Variants in PDE4D observed in about 807,000 individuals in gnomAD.
PDE4D encodes the protein 3',5'-cyclic-AMP phosphodiesterase 4D.
Under a neutral mutation model 87.4 loss-of-function variants are expected in PDE4D, and 24 were observed. The ratio of observed to expected loss-of-function variants is 0.27; its 90% CI spans 0.20 to 0.39. PDE4D has a LOEUF of 0.39. Among genes scored for constraint, PDE4D ranks in the 10% least tolerant of loss-of-function variants. The probability of loss-of-function intolerance (pLI) is 1.00; values close to 1 mark genes in which losing one functional copy is unlikely to be tolerated. For synonymous variants in PDE4D, 384 were observed against 383.2 expected (o/e 1.00, Z -0.02); for missense variants, 714 against 1,041.0 (o/e 0.69, Z 4.32).
At chr5:58,991,716 G>GAAA in intron 8 of PDE4D, 116 bp downstream of exon 8, 2 of 542,488 alleles carry the variant, frequency 3.7e-6, no homozygotes, top group African/African-American at 3.8e-5. Context: ...TTCAAAAAAA[G>GAAA]AAAAAAAAAA....
At chr5:59,759,325 G>A (rs960089943) in intron 1 of PDE4D, among the ~76,000 whole-genome samples, 3 of 152,116 alleles carry the variant, frequency 2.0e-5, no homozygotes, top group Non-Finnish European at 4.4e-5. Flanking sequence ...TTTCTGCCAA[G>A]TTTGCAAGAA....
chr5:59,156,320 A>AAAAAAATATATAT (rs548335725), intron 5 of PDE4D, among the ~76,000 whole-genome samples: 21 of 81,768 alleles, frequency 2.6e-4, no homozygotes, highest in African/African-American at 1.1e-3. Flanking sequence ...AAAAAAAAAA[A>AAAAAAATATATAT]ATATATATAT....
intron 1 of PDE4D, among the ~76,000 whole-genome samples, chr5:60,250,655 C>T (rs985447591): frequency 2.0e-5 from 3 of 151,956 alleles, no homozygotes; most frequent in African/African-American, 7.2e-5. Context: ...AAAAAACCTA[C>T]TGTGCTGTCA....
At chr5:59,464,224 A>C (rs1801217325) in intron 1 of PDE4D, among the ~76,000 whole-genome samples, 1 of 152,158 alleles carries the variant, frequency 6.6e-6, no homozygotes, top group Non-Finnish European at 1.5e-5. Flanking sequence ...TGTGCTGAGG[A>C]GGATTAGTAT....
intron 1 of PDE4D, among the ~76,000 whole-genome samples, chr5:60,293,442 A>G (rs1255972251): frequency 6.6e-6 from 1 of 152,108 alleles, no homozygotes; most frequent in Non-Finnish European, 1.5e-5. Flanking sequence ...TGAACCTGAG[A>G]GGCGGAGGTT....
At chr5:59,744,267 C>T (rs1218549134) in intron 1 of PDE4D, among the ~76,000 whole-genome samples, 4 of 152,140 alleles carry the variant, frequency 2.6e-5, no homozygotes, top group African/African-American at 9.6e-5. Flanking sequence ...TTCTTTCCCA[C>T]TGTACTGTAT....
Position 59,165,924 on chromosome 5 carries a change from G to A in PDE4D, c.808+14671C>T, listed in dbSNP as rs114991816. Among the ~76,000 whole-genome samples the A allele has an allele frequency of 4.5e-3, 681 of 152,168 alleles. 10 individuals are homozygous for A. Among genetic ancestry groups the A allele is most frequent in the African/African-American group, 0.015 (637 of 41,512 alleles). On this transcript the variant is annotated intron_variant, in intron 5 of 14. Transcript: ENST00000340635. ...AAGAACAGTTGTGGGGATCTCACTC[G>A]ACTACTCCTGCCATGAGACTTTCCC...
intron 2 of PDE4D, among the ~76,000 whole-genome samples, chr5:60,007,171 G>A (rs1358509869): frequency 6.6e-6 from 1 of 151,946 alleles, no homozygotes; most frequent in Non-Finnish European, 1.5e-5. Context: ...GTTATAGTAT[G>A]ATTTTTCAAA....
At chr5:59,069,227 C>G (rs1046600543) in intron 5 of PDE4D, among the ~76,000 whole-genome samples, 6 of 152,170 alleles carry the variant, frequency 3.9e-5, no homozygotes, top group African/African-American at 1.4e-4. Context: ...ACCATGGAAA[C>G]ACAGTTTTAC....
chr5:59,304,640 T>C (rs1454608401), intron 1 of PDE4D, among the ~76,000 whole-genome samples: 2 of 152,196 alleles, frequency 1.3e-5, no homozygotes, highest in Non-Finnish European at 2.9e-5. Flanking sequence ...TTTTTCTGCA[T>C]CTATTGAGAT....
At chr5:60,277,918 C>T (rs1751538466) in intron 1 of PDE4D, among the ~76,000 whole-genome samples, 1 of 152,090 alleles carries the variant, frequency 6.6e-6, no homozygotes, top group African/African-American at 2.4e-5. Flanking sequence ...CACTTAGAAC[C>T]ACACCAGAAA....
In PDE4D at chr5:60,342,636, T is replaced by C. The variant is rs140424811; in HGVS notation, c.-90+145306A>G. On this transcript the variant is annotated intron_variant, in intron 1 of 16. Transcript: ENST00000502484. ...CAGAACCAGAGAAAACAAGACAATG[T>C]TTAACTCCTTGAGATCAATAAATGT... Among the ~76,000 whole-genome samples the C allele has an allele frequency of 6.4e-3, 975 of 152,254 alleles. 7 individuals are homozygous for C. The highest frequency in any genetic ancestry group is 0.023 in the African/African-American group (939 of 41,534).
chr5:59,833,809 T>C (rs1741608847), intron 1 of PDE4D, among the ~76,000 whole-genome samples: 2 of 152,010 alleles, frequency 1.3e-5, no homozygotes, highest in South Asian at 4.1e-4. Flanking sequence ...GCATCACATA[T>C]AGGTATTCAA....
chr5:59,933,404 G>C (rs1266265747), intron 3 of PDE4D, among the ~76,000 whole-genome samples: 1 of 152,124 alleles, frequency 6.6e-6, no homozygotes, highest in Admixed American at 6.6e-5. Flanking sequence ...ACAGCTTTTG[G>C]AATCCTACAG....
intron 1 of PDE4D, among the ~76,000 whole-genome samples, chr5:60,472,899 G>T (rs1380631097): frequency 6.6e-6 from 1 of 152,106 alleles, no homozygotes; most frequent in African/African-American, 2.4e-5. Flanking sequence ...TAATGTAAGT[G>T]CTCTGAACAC....
chr5:59,636,410 G>T (rs1303670338), intron 1 of PDE4D, among the ~76,000 whole-genome samples: 1 of 152,122 alleles, frequency 6.6e-6, no homozygotes, highest in Non-Finnish European at 1.5e-5. Flanking sequence ...CCAAAAGAGA[G>T]CCCGTATTGC....
chr5:59,628,506 A>C (rs942151987), intron 1 of PDE4D, among the ~76,000 whole-genome samples: 3 of 152,152 alleles, frequency 2.0e-5, no homozygotes, highest in African/African-American at 7.2e-5. Flanking sequence ...AGTGAATACC[A>C]ATTTGGATAG....
intron 6 of PDE4D, among the ~76,000 whole-genome samples, chr5:59,013,321 G>C (rs577976324): frequency 6.6e-6 from 1 of 152,078 alleles, no homozygotes; most frequent in Non-Finnish European, 1.5e-5. Context: ...GAAGGAGATA[G>C]AGACACAAAA....
chr5:59,489,992 T>G (rs1372628374), intron 1 of PDE4D, among the ~76,000 whole-genome samples: 1 of 152,218 alleles, frequency 6.6e-6, no homozygotes, highest in African/African-American at 2.4e-5. Flanking sequence ...AGTAAAATTA[T>G]AATATCAGCA....
Sources: allele counts gnomAD v4.1 joint callset (sites outside exome capture counted in the v4.1 genomes callset), GRCh38; gene constraint gnomAD v4.1.1; transcripts MANE v1.5; gene names NCBI Gene and HGNC (gene_info 2026-07-23, HGNC 2026-07-21).